Variants in RBFOX1 observed in about 807,000 individuals in gnomAD.
The protein encoded by RBFOX1 is RNA binding protein fox-1 homolog 1.
A neutral mutation model predicts 57.7 loss-of-function variants in RBFOX1; 8 were observed. The observed-to-expected ratio is 0.14, with a 90% CI of 0.08 to 0.25. The LOEUF (loss-of-function observed/expected upper bound fraction) is 0.25. Ranked by LOEUF, RBFOX1 falls within the 10% of genes least tolerant of loss-of-function variation. The probability of loss-of-function intolerance (pLI) is 1.00; values close to 1 mark genes in which losing one functional copy is unlikely to be tolerated. For synonymous variants in RBFOX1, 326 were observed against 222.4 expected (o/e 1.47, Z -4.15); for missense variants, 611 against 548.5 (o/e 1.11, Z -1.14).
At chr16:7,046,491 A>G (rs902044384) in intron 3 of RBFOX1, among the ~76,000 whole-genome samples, 3 of 152,076 alleles carry the variant, frequency 2.0e-5, no homozygotes, top group East Asian at 1.9e-4. Flanking sequence ...ATCAAGTTCA[A>G]TACGTTAAAT....
chr16:5,743,862 A>C (rs144821747), intron 3 of RBFOX1, among the ~76,000 whole-genome samples: 4 of 152,178 alleles, frequency 2.6e-5, no homozygotes, highest in Non-Finnish European at 5.9e-5. Context: ...ATTTTTAGGC[A>C]CATAACACGG....
At chr16:6,443,003 CTG>C (rs2094417022) in intron 2 of RBFOX1, among the ~76,000 whole-genome samples, 1 of 152,206 alleles carries the variant, frequency 6.6e-6, no homozygotes, top group Admixed American at 6.5e-5. Flanking sequence ...TACCAGGAAT[CTG>C]TACTTGGAGC....
chr16:7,596,684 G>A (rs1186434861), intron 8 of RBFOX1, among the ~76,000 whole-genome samples: 6 of 152,184 alleles, frequency 3.9e-5, no homozygotes, highest in Admixed American at 6.5e-5. Context: ...TTGAGTGTAC[G>A]TTCTAAGCTA....
chr16:6,228,432 C>T (rs2097433326), intron 1 of RBFOX1, among the ~76,000 whole-genome samples: 1 of 150,242 alleles, frequency 6.7e-6, no homozygotes. Flanking sequence ...CACACAGACA[C>T]ACACACACAC....
At chr16:7,606,643 G>T (rs958918210) in intron 9 of RBFOX1, among the ~76,000 whole-genome samples, 2 of 152,126 alleles carry the variant, frequency 1.3e-5, no homozygotes, top group African/African-American at 4.8e-5. Flanking sequence ...AGAACATTTG[G>T]AAAATTACAG....
At chr16:7,435,508 G>A (rs1290376819) in intron 4 of RBFOX1, among the ~76,000 whole-genome samples, 1 of 152,196 alleles carries the variant, frequency 6.6e-6, no homozygotes, top group African/African-American at 2.4e-5. Context: ...ATGAGCAGTT[G>A]ACACTTACGG....
Position 7,508,909 on chromosome 16 carries a change from G to A in RBFOX1, c.28-9238G>A, listed in dbSNP as rs1012789061. ...CTTGGTGATAAGCAGCTATCTGTAG[G>A]AACGGTGCATGGGACTCTCAAAACC... On this transcript the variant is annotated intron_variant, in intron 4 of 15. Transcript: ENST00000550418. Among the ~76,000 whole-genome samples the A allele has an allele frequency of 3.3e-5, 5 of 152,186 alleles. No homozygotes were observed. The East Asian group carries it at 9.6e-4, about 29-fold the overall frequency.
chr16:7,677,454 G>C (rs1195828537), intron 14 of RBFOX1, among the ~76,000 whole-genome samples: 3 of 152,096 alleles, frequency 2.0e-5, no homozygotes, highest in African/African-American at 7.2e-5. Context: ...TGTTAAGGCA[G>C]GCAGTGGAAG....
At chr16:6,920,907 G>A (rs567018131) in intron 3 of RBFOX1, among the ~76,000 whole-genome samples, 1 of 152,298 alleles carries the variant, frequency 6.6e-6, no homozygotes, top group African/African-American at 2.4e-5. Context: ...CAGGGATTAG[G>A]ACTTGGACAT....
chr16:6,820,727 T>C (rs1202801729), intron 3 of RBFOX1, among the ~76,000 whole-genome samples: 4 of 152,072 alleles, frequency 2.6e-5, no homozygotes, highest in Non-Finnish European at 1.5e-5. Flanking sequence ...TCTTAGAAGA[T>C]TTTTTAAGAG....
intron 2 of RBFOX1, among the ~76,000 whole-genome samples, chr16:6,550,008 G>A (rs1490764265): frequency 6.6e-6 from 1 of 152,066 alleles, no homozygotes; most frequent in South Asian, 2.1e-4. Flanking sequence ...GTCTAAGAGG[G>A]GTGACAGTTT....
At chr16:6,259,131 A>T (rs575458234) in intron 1 of RBFOX1, among the ~76,000 whole-genome samples, 2 of 152,310 alleles carry the variant, frequency 1.3e-5, no homozygotes, top group South Asian at 4.1e-4. Flanking sequence ...GTGCGTGTTT[A>T]TGAATTTTTC....
At chr16:7,186,546 ATATAAATATAAG>A (rs2083868190) in intron 4 of RBFOX1, among the ~76,000 whole-genome samples, 7 of 61,772 alleles carry the variant, frequency 1.1e-4, no homozygotes, top group Admixed American at 9.9e-4. Context: ...AAACATATTT[ATATAAATATAAG>A]CTTAAACATA....
chr16:7,165,778 G>T (rs2079351602), intron 4 of RBFOX1, among the ~76,000 whole-genome samples: 1 of 152,004 alleles, frequency 6.6e-6, no homozygotes, highest in African/African-American at 2.4e-5. Flanking sequence ...TCTTAGACCT[G>T]TGACTCTGAA....
At chr16:6,264,211 T>G (rs939437444) in intron 1 of RBFOX1, among the ~76,000 whole-genome samples, 1 of 152,174 alleles carries the variant, frequency 6.6e-6, no homozygotes, top group African/African-American at 2.4e-5. Flanking sequence ...TCTGGATCAC[T>G]TTGACTACCA....
In RBFOX1 at chr16:7,687,789, A is replaced by G. The variant is rs532921532; in HGVS notation, c.995+10951A>G. 1.1e-3 allele frequency among the ~76,000 whole-genome samples: 165 copies of G among 152,154 alleles called. 2 individuals are homozygous for G. Among genetic ancestry groups the G allele is most frequent in the African/African-American group, 3.6e-3 (149 of 41,526 alleles). On this transcript the variant is annotated intron_variant, in intron 14 of 15. Coordinates refer to ENST00000550418, the MANE Select transcript of RBFOX1 (RefSeq NM_018723.4). ...AATGTTAAAAATCAACACTAGTGCA[A>G]TTTAAACCCAAAAGACACAACTGTT...
intron 4 of RBFOX1, among the ~76,000 whole-genome samples, chr16:7,255,930 A>G (rs2153043695): frequency 6.6e-6 from 1 of 152,336 alleles, no homozygotes; most frequent in East Asian, 1.9e-4. Flanking sequence ...TAGAGGAAAT[A>G]TAATAAGATC....
At chr16:6,987,558 C>T (rs1430749832) in intron 3 of RBFOX1, among the ~76,000 whole-genome samples, 3 of 151,418 alleles carry the variant, frequency 2.0e-5, no homozygotes, top group Non-Finnish European at 4.4e-5. Context: ...CACATCTATA[C>T]ATAAGCATAG....
At chr16:5,648,515 C>A (rs2049122198) in intron 3 of RBFOX1, among the ~76,000 whole-genome samples, 1 of 152,026 alleles carries the variant, frequency 6.6e-6, no homozygotes. Flanking sequence ...TTGCTTAGTA[C>A]AACTTGCGGG....
Sources: allele counts gnomAD v4.1 joint callset (sites outside exome capture counted in the v4.1 genomes callset), GRCh38; gene constraint gnomAD v4.1.1; transcripts MANE v1.5; gene names NCBI Gene and HGNC (gene_info 2026-07-23, HGNC 2026-07-21).